Variants in NAV2 observed in about 807,000 individuals in gnomAD.
The protein encoded by NAV2 is neuron navigator 2.
A neutral mutation model predicts 223.2 loss-of-function variants in NAV2; 54 were observed. The ratio of observed to expected loss-of-function variants is 0.24; its 90% CI spans 0.19 to 0.30. The LOEUF is 0.30. NAV2 is among the 10% of genes least tolerant of loss of function. The probability of loss-of-function intolerance (pLI) is 1.00; values close to 1 mark genes in which losing one functional copy is unlikely to be tolerated. For synonymous variants in NAV2, 1,279 were observed against 1,239.3 expected, an observed-to-expected ratio of 1.03 and a Z score of -0.67; for missense variants, 2,806 against 3,147.5, an observed-to-expected ratio of 0.89 and a Z score of 2.60.
At chr11:19,782,445 A>G (rs924560093) in intron 1 of NAV2, among the ~76,000 whole-genome samples, 1 of 152,242 alleles carries the variant, frequency 6.6e-6, no homozygotes, top group Non-Finnish European at 1.5e-5. Context: ...GTAGAGATTT[A>G]TAATTGGTCC....
Position 19,564,836 on chromosome 11 carries a change from A to C in NAV2, c.75+213809A>C, listed in dbSNP as rs543661384. On this transcript the variant is annotated intron_variant, in intron 1 of 37. Coordinates refer to the NAV2 transcript ENST00000360655. ...GAGCCACGCAGCCAATGAGCAGCAA[A>C]AGTAATAATGACACTGGGCCGGGCG... Among the ~76,000 whole-genome samples the C allele has an allele frequency of 1.2e-4, 19 of 152,318 alleles. No homozygotes were observed. The East Asian group carries it at 2.1e-3, about 17-fold the overall frequency.
At chr11:19,436,068 T>C (rs1172754114) in intron 1 of NAV2, among the ~76,000 whole-genome samples, 2 of 152,180 alleles carry the variant, frequency 1.3e-5, no homozygotes, top group East Asian at 3.9e-4. Context: ...CTTTTTAGTG[T>C]GATGCAGTCC....
chr11:19,396,607 G>A (rs539204409), intron 1 of NAV2, among the ~76,000 whole-genome samples: 2 of 152,262 alleles, frequency 1.3e-5, no homozygotes, highest in East Asian at 1.9e-4. Context: ...TCACTGGGTG[G>A]GGAGGTCTCA....
At chr11:20,083,359 C>T (rs991129886) in intron 26 of NAV2, among the ~76,000 whole-genome samples, 180 bp downstream of exon 26, 2 of 152,170 alleles carry the variant, frequency 1.3e-5, no homozygotes, top group Admixed American at 1.3e-4. Context: ...AGAAAAGAAA[C>T]TTAGGTTTTC....
intron 1 of NAV2, among the ~76,000 whole-genome samples, chr11:19,664,957 A>G (rs1314187591): frequency 1.3e-5 from 2 of 152,230 alleles, no homozygotes; most frequent in African/African-American, 4.8e-5. Context: ...AGAGAAATTA[A>G]GTAACTTGCT....
chr11:19,567,451 T>G (rs1414459874), intron 1 of NAV2, among the ~76,000 whole-genome samples: 1 of 152,240 alleles, frequency 6.6e-6, no homozygotes, highest in Non-Finnish European at 1.5e-5. Context: ...GTTCTCACAT[T>G]TATTCCCTTC....
chr11:19,608,342 A>C (rs558720637), intron 1 of NAV2, among the ~76,000 whole-genome samples: 1 of 152,372 alleles, frequency 6.6e-6, no homozygotes, highest in South Asian at 2.1e-4. Context: ...TCCAGATGCC[A>C]GCTGAAGCCC....
At chr11:19,755,696 CT>C (rs1440713509) in intron 1 of NAV2, among the ~76,000 whole-genome samples, 13 of 152,204 alleles carry the variant, frequency 8.5e-5, no homozygotes, top group African/African-American at 1.9e-4. Context: ...TTCGTGTCTC[CT>C]GTATCTTCAC....
intron 1 of NAV2, among the ~76,000 whole-genome samples, chr11:19,817,492 AAC>A (rs1459831754): frequency 6.6e-6 from 1 of 152,094 alleles, no homozygotes; most frequent in African/African-American, 2.4e-5. Context: ...GGAATGGGGG[AAC>A]ACCTGGAGCG....
At position 20,105,622 on chromosome 11, in the gene NAV2, C is replaced by T. The variant is rs142419246; in HGVS notation, c.6736C>T (p.Arg2246Trp). 25 of 1,613,882 alleles carry T rather than the reference C, an allele frequency of 1.5e-5. No homozygotes were observed. The highest frequency in any genetic ancestry group is 2.7e-5 in the African/African-American group (2 of 75,008). Residue 2246 changes from arginine to tryptophan, a missense_variant, in exon 35 of 38, where the codon CGG becomes TGG. By Grantham distance (101) the Arg-to-Trp change is moderately radical. Transcript: ENST00000349880. Reference sequence around the variant, plus strand: ...GCTCATGGAAACAGAGATCAGTGGGCGGGTGCGCAATATGGAGCTGGTAAA... The same window carrying T: ...GCTCATGGAAACAGAGATCAGTGGGTGGGTGCGCAATATGGAGCTGGTAAA... The part of the protein sequence containing the change: ...RKLMETEISG[R>W]VRNMELVKII...
At chr11:20,020,699 G>A (rs1447745496) in intron 11 of NAV2, among the ~76,000 whole-genome samples, 1 of 152,168 alleles carries the variant, frequency 6.6e-6, no homozygotes, top group African/African-American at 2.4e-5. Context: ...GATATGTTTA[G>A]TGTTGTACAT....
chr11:20,097,506 A>T, intron 30 of NAV2, 71 bp from the exon 31 acceptor site: 1 of 1,213,708 alleles, frequency 8.2e-7, no homozygotes, highest in Non-Finnish European at 1.1e-6. Flanking sequence ...TAAATCACCC[A>T]GGGAAAACAT....
At chr11:19,582,577 T>C (rs990185688) in intron 1 of NAV2, among the ~76,000 whole-genome samples, 2 of 152,242 alleles carry the variant, frequency 1.3e-5, no homozygotes, top group Non-Finnish European at 2.9e-5. Context: ...TTCAGCTTTC[T>C]GCATATGGCT....
intron 1 of NAV2, among the ~76,000 whole-genome samples, chr11:19,442,357 G>A (rs991035657): frequency 6.6e-6 from 1 of 152,212 alleles, no homozygotes; most frequent in Non-Finnish European, 1.5e-5. Flanking sequence ...TTTTGCTGGC[G>A]GCACAGGCAA....
chr11:19,527,300 C>G (rs182628864), intron 1 of NAV2, among the ~76,000 whole-genome samples: 2 of 152,108 alleles, frequency 1.3e-5, no homozygotes, highest in African/African-American at 4.8e-5. Flanking sequence ...TAAGATGTAC[C>G]TTTTGCCTTC....
intron 11 of NAV2, chr11:20,022,671 C>T (rs754112414): frequency 5.2e-5 from 52 of 995,544 alleles, no homozygotes; most frequent in Admixed American, 1.8e-4. Flanking sequence ...AGACTTTCTG[C>T]AATGTTTCTG....
At chr11:20,026,794 AT>A (rs2055125512) in intron 11 of NAV2, among the ~76,000 whole-genome samples, 1 of 152,220 alleles carries the variant, frequency 6.6e-6, no homozygotes, top group African/African-American at 2.4e-5. Context: ...TCTTAGTTGT[AT>A]GACCCGTGGG....
rs114659018 is a variant in NAV2 at position 19,525,499 on chromosome 11, C to T, written c.75+174472C>T. Among the ~76,000 whole-genome samples the T allele has an allele frequency of 2.0e-3, 307 of 152,266 alleles. 3 individuals are homozygous for T. The highest frequency in any genetic ancestry group is 7.1e-3 in the African/African-American group (296 of 41,538). On this transcript the variant is annotated intron_variant, in intron 1 of 37. Coordinates refer to the NAV2 transcript ENST00000360655. Reference sequence around the variant, plus strand: ...TCTGTCGTTAGTGATGTGGAAACCACGCATCTTCTTTACGAAGGTGTTGAC... The same window carrying T: ...TCTGTCGTTAGTGATGTGGAAACCATGCATCTTCTTTACGAAGGTGTTGAC...
chr11:19,644,884 A>T (rs537678064), intron 1 of NAV2, among the ~76,000 whole-genome samples: 1 of 152,314 alleles, frequency 6.6e-6, no homozygotes, highest in Non-Finnish European at 1.5e-5. Context: ...CTTTGACTGA[A>T]TGTTGCATCT....
Sources: allele counts gnomAD v4.1 joint callset (sites outside exome capture counted in the v4.1 genomes callset), GRCh38; gene constraint gnomAD v4.1.1; transcripts MANE v1.5; gene names NCBI Gene and HGNC (gene_info 2026-07-23, HGNC 2026-07-21).